The following RPA2 variants were observed in gnomAD, a reference collection of about 807,000 sequenced individuals.
RPA2 encodes replication protein A2, also known as replication protein A 32 kDa subunit.
RPA2 carries 22 observed loss-of-function variants against 33.4 expected under a neutral mutation model. The ratio of observed to expected loss-of-function variants is 0.66; its 90% CI spans 0.47 to 0.94. The LOEUF is 0.94. RPA2 is among the 40% of genes least tolerant of loss of function. The probability of loss-of-function intolerance (pLI) is 0.00; values close to 1 mark genes in which losing one functional copy is unlikely to be tolerated. For missense variants in RPA2, 279 were observed against 329.9 expected, an observed-to-expected ratio of 0.85 and a Z score of 1.19; for synonymous variants, 109 against 114.9, an observed-to-expected ratio of 0.95 and a Z score of 0.33.
At position 27,907,184 on chromosome 1, in the gene RPA2, T is replaced by G; in HGVS notation, c.216A>C (p.Ser72=). The part of the protein sequence containing the change: ...EVFRIGNVEI[S]QVTIVGIIRH... ...TTTCACAAATTATTTGACATACCTGTGAAATCTCAACATTCCCAATTCTGA... is the reference window on the plus strand; with the variant it reads ...TTTCACAAATTATTTGACATACCTGGGAAATCTCAACATTCCCAATTCTGA... The change falls in exon 3 of 9, where the codon TCA becomes TCC. Residue 72 remains serine (S), a synonymous_variant. Coordinates refer to ENST00000373912, the MANE Select transcript of RPA2 (RefSeq NM_002946.5). 6.2e-7 allele frequency: 1 copy of G among 1,612,770 alleles called. No homozygotes were observed. The highest frequency in any genetic ancestry group is 8.5e-7 in the Non-Finnish European group (1 of 1,179,406).
chr1:27,904,932 G>A (rs897953939), intron 4 of RPA2, among the ~76,000 whole-genome samples: 2 of 152,104 alleles, frequency 1.3e-5, no homozygotes, highest in Non-Finnish European at 2.9e-5. Flanking sequence ...GATTACGGGC[G>A]TGAGTCACCA....
chr1:27,909,563 A>T (rs1235522766), intron 2 of RPA2, among the ~76,000 whole-genome samples: 1 of 152,104 alleles, frequency 6.6e-6, no homozygotes, highest in Admixed American at 6.6e-5. Context: ...TTAAAAAAAA[A>T]ATTAGCCAGG....
At chr1:27,894,199 G>C (rs2089860923) in intron 7 of RPA2, 91 bp downstream of exon 7, 1 of 1,495,394 alleles carries the variant, frequency 6.7e-7, no homozygotes, top group African/African-American at 1.4e-5. Flanking sequence ...AAATGAACCA[G>C]GTACTTAAAC....
chr1:27,904,236 T>C (rs191382521), intron 4 of RPA2, among the ~76,000 whole-genome samples: 1 of 152,110 alleles, frequency 6.6e-6, no homozygotes, highest in East Asian at 1.9e-4. Flanking sequence ...AGCAGTTGCA[T>C]AGCATATTAT....
intron 4 of RPA2, 26 bp downstream of exon 4, chr1:27,906,902 A>T: frequency 6.6e-7 from 1 of 1,520,258 alleles, no homozygotes; most frequent in Non-Finnish European, 9.1e-7. Flanking sequence ...AAGTAACCCC[A>T]TCATGATTCA....
chr1:27,909,639 G>A (rs535664633), intron 2 of RPA2, among the ~76,000 whole-genome samples: 3 of 152,010 alleles, frequency 2.0e-5, no homozygotes, highest in South Asian at 2.1e-4. Flanking sequence ...ACTTGAACTC[G>A]GGAGGCGGAG....
chr1:27,892,107 C>A lies in RPA2; in HGVS notation c.*56G>T, dbSNP rs750591913. The stretch of plus-strand genomic sequence containing the variant: ...CAGACATATGCAGAGCTGGAGACAA[C>A]AGATTGTGAAACTAGGTCCAGCTGT... On this transcript the variant is annotated 3_prime_UTR_variant, in exon 9 of 9. Transcript: ENST00000373912. 1 of 1,451,684 alleles carries A rather than the reference C, an allele frequency of 6.9e-7. No individual in the cohort carries two copies. The highest frequency in any genetic ancestry group is 1.4e-5 in the African/African-American group (1 of 71,700). 89.9% of individuals were successfully genotyped at this position (1,451,684 alleles called of 1,614,324 possible).
At chr1:27,905,915 C>CAGCGCCCGG (rs2090022632) in intron 4 of RPA2, among the ~76,000 whole-genome samples, 4 of 152,184 alleles carry the variant, frequency 2.6e-5, no homozygotes, top group African/African-American at 7.2e-5. Flanking sequence ...GCGTGAGCCA[C>CAGCGCCCGG]CATGCCAAGC....
chr1:27,914,734 C>T, upstream of RPA2: 2 of 1,534,038 alleles, frequency 1.3e-6, no homozygotes, highest in African/African-American at 1.4e-5. Flanking sequence ...AGGGCAAAAC[C>T]CTCCGCACTA....
chr1:27,898,456 G>A (rs2089919280), intron 4 of RPA2, among the ~76,000 whole-genome samples: 1 of 151,872 alleles, frequency 6.6e-6, no homozygotes, highest in Admixed American at 6.6e-5. Context: ...TGTTTATAAT[G>A]GTTGACTAAG....
At position 27,892,891 on chromosome 1, in the gene RPA2, T is replaced by C. The variant is rs564524414; in HGVS notation, c.729-644A>G. ...TATCTATCTAGGCCTGGCAGGTCAATTGATTTATAGTAACAAATAACTATC... is the reference window on the plus strand; with the variant it reads ...TATCTATCTAGGCCTGGCAGGTCAACTGATTTATAGTAACAAATAACTATC... On this transcript the variant is annotated intron_variant, in intron 8 of 8. Transcript: ENST00000373912. Among the ~76,000 whole-genome samples the C allele has an allele frequency of 3.3e-5, 5 of 152,330 alleles. No individual in the cohort carries two copies. In the East Asian group the frequency reaches 7.7e-4, roughly 24 times the overall value.
chr1:27,897,526 C>A, intron 5 of RPA2, 107 bp downstream of exon 5: 1 of 678,524 alleles, frequency 1.5e-6, no homozygotes, highest in Non-Finnish European at 2.4e-6. Flanking sequence ...AATAACTTCC[C>A]ATTAAACAGG....
chr1:27,907,291 A>T lies in RPA2; in HGVS notation c.118-9T>A. ...TGCTGGGCTCGGGCTCTCTGAAAAGAAAAAACATGCAAAATTCAATTAAGA... is the reference window on the plus strand; with the variant it reads ...TGCTGGGCTCGGGCTCTCTGAAAAGTAAAAACATGCAAAATTCAATTAAGA... On this transcript the variant is annotated splice_polypyrimidine_tract_variant and intron_variant, in intron 2 of 8. Coordinates refer to ENST00000373912, the MANE Select transcript of RPA2 (RefSeq NM_002946.5). The T allele has an allele frequency of 6.3e-7, 1 of 1,591,568 alleles. No individual in the cohort carries two copies. Among genetic ancestry groups the T allele is most frequent in the Admixed American group, 1.9e-5 (1 of 53,214 alleles).
intron 4 of RPA2, among the ~76,000 whole-genome samples, chr1:27,898,779 G>A (rs1023017070): frequency 3.9e-5 from 6 of 151,918 alleles, no homozygotes; most frequent in Non-Finnish European, 7.4e-5. Context: ...GGATGGTCTC[G>A]ATCTCCTGAC....
At chr1:27,913,965 A>G in intron 2 of RPA2, 98 bp downstream of exon 2, 1 of 1,100,456 alleles carries the variant, frequency 9.1e-7, no homozygotes, top group Non-Finnish European at 1.3e-6. Flanking sequence ...GCATCAGTTC[A>G]CGTTGAAATC....
At chr1:27,895,239 T>A (rs1399545772) in intron 6 of RPA2, among the ~76,000 whole-genome samples, 1 of 152,074 alleles carries the variant, frequency 6.6e-6, no homozygotes, top group Non-Finnish European at 1.5e-5. Flanking sequence ...GATGCCAACA[T>A]GGTGAAACCC....
chr1:27,899,530 A>C (rs1460001886), intron 4 of RPA2, among the ~76,000 whole-genome samples: 1 of 147,302 alleles, frequency 6.8e-6, no homozygotes, highest in Admixed American at 6.7e-5. Flanking sequence ...AAAAAAAAAA[A>C]ACCACACAAA....
rs879927552 is a variant in RPA2, at chr1:27,891,963, T to C, written c.*200A>G. The C allele has an allele frequency of 8.0e-6, 4 of 501,790 alleles. No homozygotes were observed. The highest frequency in any genetic ancestry group is 3.4e-5 in the South Asian group (1 of 29,766). The allele number at this position is 501,790 out of a possible 1,614,324, so 31.1% of individuals were successfully genotyped here. On this transcript the variant is annotated 3_prime_UTR_variant, in exon 9 of 9. Transcript: ENST00000373912. ...CCACCCTGGATTGCATCCCTGTCAA[T>C]TGCCCATCTCCCTCTGAGCTTCAAA...
intron 2 of RPA2, among the ~76,000 whole-genome samples, chr1:27,913,852 G>A (rs1273645928): frequency 1.3e-5 from 2 of 152,136 alleles, no homozygotes; most frequent in African/African-American, 4.8e-5. Context: ...GGCCAACGAC[G>A]GGAAAAGCCA....
Sources: allele counts gnomAD v4.1 joint callset (sites outside exome capture counted in the v4.1 genomes callset), GRCh38; gene constraint gnomAD v4.1.1; transcripts MANE v1.5; gene names NCBI Gene and HGNC (gene_info 2026-07-23, HGNC 2026-07-21).